BMP6: variants seen among roughly 807,000 people sequenced by gnomAD.
The protein encoded by BMP6 is bone morphogenetic protein 6, also known as VG-1-R.
In BMP6, 17 loss-of-function variants were observed where a neutral mutation model predicts 54.1. The observed-to-expected ratio is 0.31, with a 90% CI of 0.22 to 0.47. BMP6 has a LOEUF of 0.47. Ranked by LOEUF, BMP6 falls within the 20% of genes least tolerant of loss-of-function variation. The pLI, the probability that BMP6 is intolerant of heterozygous loss-of-function variation, is 1.00. For missense variants in BMP6, 720 were observed against 690.4 expected (o/e 1.04, Z -0.48); for synonymous variants, 328 against 291.2 (o/e 1.13, Z -1.28).
intron 1 of BMP6, among the ~76,000 whole-genome samples, chr6:7,834,983 G>C (rs192689316): frequency 4.6e-5 from 7 of 152,318 alleles, no homozygotes; most frequent in African/African-American, 1.7e-4. Flanking sequence ...GATGAACTAC[G>C]ACGGCATCTG....
At chr6:7,813,123 A>G (rs1246563836) in intron 1 of BMP6, among the ~76,000 whole-genome samples, 1 of 78,868 alleles carries the variant, frequency 1.3e-5, no homozygotes, top group Non-Finnish European at 2.2e-5. Flanking sequence ...ATATATATAT[A>G]TATATATATA....
intron 1 of BMP6, among the ~76,000 whole-genome samples, chr6:7,818,714 G>A (rs78605382): frequency 0.02 from 2,972 of 152,288 alleles, 93 homozygotes; most frequent in African/African-American, 0.066. Flanking sequence ...GCCTTGCCCC[G>A]TAGCCCTTGC....
intron 1 of BMP6, among the ~76,000 whole-genome samples, chr6:7,841,850 A>C (rs1453185343): frequency 6.6e-6 from 1 of 152,362 alleles, no homozygotes; most frequent in East Asian, 1.9e-4. Context: ...GAAAATCCAC[A>C]TATGAGGCAA....
intron 2 of BMP6, among the ~76,000 whole-genome samples, chr6:7,848,303 T>C (rs2113258555): frequency 6.6e-6 from 1 of 152,276 alleles, no homozygotes; most frequent in East Asian, 1.9e-4. Context: ...GTTCACAAAG[T>C]GTATGACTTC....
rs138703936 is a variant in BMP6 at position 7,734,455 on chromosome 6, G to A, written c.664+6836G>A. Among the ~76,000 whole-genome samples, 210 of 152,328 alleles carry A rather than the reference G, an allele frequency of 1.4e-3. 1 individual carries two copies. The highest frequency in any genetic ancestry group is 4.8e-3 in the African/African-American group (198 of 41,586). The stretch of plus-strand genomic sequence containing the variant: ...GAGCAATAGGGCTGTTGGCCAGGCT[G>A]GAGTGGATAATGAAGGAGAAATTAC... On this transcript the variant is annotated intron_variant, in intron 1 of 6. Transcript: ENST00000283147.
chr6:7,826,022 C>G (rs1267466611), intron 1 of BMP6, among the ~76,000 whole-genome samples: 1 of 152,234 alleles, frequency 6.6e-6, no homozygotes, highest in African/African-American at 2.4e-5. Context: ...ATCACACACA[C>G]CAGCTCTGCA....
intron 1 of BMP6, among the ~76,000 whole-genome samples, chr6:7,800,079 G>T (rs373207049): frequency 4.8e-5 from 7 of 145,066 alleles, no homozygotes; most frequent in African/African-American, 1.5e-4. Flanking sequence ...TAAAGGAAGG[G>T]GTGTGTGTGT....
At chr6:7,851,837 C>A (rs1048087450) in intron 2 of BMP6, among the ~76,000 whole-genome samples, 2 of 151,966 alleles carry the variant, frequency 1.3e-5, no homozygotes, top group Non-Finnish European at 2.9e-5. Context: ...TATAATTTTT[C>A]TCCTTTATAA....
intron 1 of BMP6, among the ~76,000 whole-genome samples, chr6:7,735,785 C>T (rs1761945631): frequency 6.6e-6 from 1 of 152,192 alleles, no homozygotes; most frequent in South Asian, 2.1e-4. Flanking sequence ...TCCCGGTTCA[C>T]TCGTAGTGTT....
Position 7,727,711 on chromosome 6 carries a change from C to T in BMP6, c.664+92C>T, listed in dbSNP as rs1219919162. On this transcript the variant is annotated intron_variant, in intron 1 of 6. Transcript: ENST00000283147. Reference sequence around the variant, plus strand: ...TGGAGTGAGGGGGTGGAGGAGCTCCCGGCGCGCGGGTCCCGCCTGGTGCGC... The same window carrying T: ...TGGAGTGAGGGGGTGGAGGAGCTCCTGGCGCGCGGGTCCCGCCTGGTGCGC... 24 of 1,346,930 alleles carry T rather than the reference C, an allele frequency of 1.8e-5. No homozygotes were observed. The East Asian group carries it at 6.6e-4, about 37-fold the overall frequency. 83.4% of individuals were successfully genotyped at this position (1,346,930 alleles called of 1,614,324 possible).
At chr6:7,852,499 C>G (rs1241298548) in intron 2 of BMP6, among the ~76,000 whole-genome samples, 2 of 152,198 alleles carry the variant, frequency 1.3e-5, no homozygotes. Context: ...ATTGCTTGAG[C>G]CTGGGAGGTT....
chr6:7,740,186 T>G (rs910573219), intron 1 of BMP6, among the ~76,000 whole-genome samples: 20 of 152,106 alleles, frequency 1.3e-4, no homozygotes, highest in African/African-American at 4.8e-4. Flanking sequence ...GGTGGCCTGG[T>G]GGTAGCTGTT....
At chr6:7,806,495 ATGGCT>A (rs1310447550) in intron 1 of BMP6, among the ~76,000 whole-genome samples, 1 of 152,162 alleles carries the variant, frequency 6.6e-6, no homozygotes, top group Admixed American at 6.5e-5. Flanking sequence ...TTACATGTGT[ATGGCT>A]TTTGTAATTG....
At chr6:7,733,088 T>C (rs1007842981) in intron 1 of BMP6, among the ~76,000 whole-genome samples, 1 of 151,954 alleles carries the variant, frequency 6.6e-6, no homozygotes, top group Non-Finnish European at 1.5e-5. Context: ...GTATTTTTAG[T>C]GGAGCTGGGG....
chr6:7,795,230 A>T (rs1242833200), intron 1 of BMP6, among the ~76,000 whole-genome samples: 1 of 152,082 alleles, frequency 6.6e-6, no homozygotes, highest in Non-Finnish European at 1.5e-5. Flanking sequence ...ATTCATCCCC[A>T]CTCTTGAGAT....
At chr6:7,768,432 G>A (rs1285171869) in intron 1 of BMP6, among the ~76,000 whole-genome samples, 1 of 152,064 alleles carries the variant, frequency 6.6e-6, no homozygotes, top group Non-Finnish European at 1.5e-5. Context: ...GTAAGTTTGA[G>A]TCTTTGTTTT....
chr6:7,800,496 C>T (rs1758253766), intron 1 of BMP6, among the ~76,000 whole-genome samples: 1 of 152,130 alleles, frequency 6.6e-6, no homozygotes, highest in Admixed American at 6.5e-5. Context: ...CCTGAAAAAG[C>T]TCTTCTTCTG....
intron 1 of BMP6, among the ~76,000 whole-genome samples, chr6:7,787,806 T>G (rs1758041192): frequency 6.6e-6 from 1 of 152,222 alleles, no homozygotes; most frequent in Non-Finnish European, 1.5e-5. Context: ...ATTATAGTAA[T>G]AACAAGATTT....
intron 1 of BMP6, among the ~76,000 whole-genome samples, chr6:7,757,509 T>G (rs1368076708): frequency 6.6e-6 from 1 of 152,222 alleles, no homozygotes; most frequent in African/African-American, 2.4e-5. Flanking sequence ...CCTACTCCAG[T>G]ATGACCTCAT....
Sources: allele counts gnomAD v4.1 joint callset (sites outside exome capture counted in the v4.1 genomes callset), GRCh38; gene constraint gnomAD v4.1.1; transcripts MANE v1.5; gene names NCBI Gene and HGNC (gene_info 2026-07-23, HGNC 2026-07-21).